The following KDM4D variants were observed in gnomAD, a reference collection of about 807,000 sequenced individuals.
KDM4D encodes the protein lysine demethylase 4D.
For synonymous variants in KDM4D, 254 were observed against 249.1 expected (o/e 1.02, Z -0.19); for missense variants, 427 against 674.8 (o/e 0.63, Z 4.07).
At position 94,998,519 on chromosome 11, in the gene KDM4D, C is replaced by G. The variant is rs143935865; in HGVS notation, c.1147C>G (p.Arg383Gly). Residue 383 changes from arginine to glycine, a missense_variant, in exon 3 of 3, where the codon CGG (arginine) becomes GGG (glycine). Transcript: ENST00000335080. The surrounding 1 kb of genome is among the most constrained non-coding windows in gnomAD (Gnocchi z 6.7). ...GLRQLPSHWA[R>G]HSPWPMAARS... The stretch of plus-strand genomic sequence containing the variant: ...GAGACAACTCCCTTCCCACTGGGCC[C>G]GGCATTCCCCTTGGCCTATGGCTGC... 5.6e-6 allele frequency: 9 copies of G among 1,612,412 alleles called. No homozygotes were observed. Among genetic ancestry groups the G allele is most frequent in the African/African-American group, 1.3e-5 (1 of 74,918 alleles).
At chr11:94,979,934 G>T (rs1441633460) in intron 2 of KDM4D, among the ~76,000 whole-genome samples, 1 of 152,142 alleles carries the variant, frequency 6.6e-6, no homozygotes, top group Non-Finnish European at 1.5e-5. Flanking sequence ...ATATATCATT[G>T]AGGTCTCAGT....
In KDM4D at chr11:94,997,316, C is replaced by T; in HGVS notation, c.-57C>T. ...AAATTTTTTTTTAAAGTAGCATTTT[C>T]CTACATTGTCAACTATCTAGAACAT... On this transcript the variant is annotated 5_prime_UTR_variant, in exon 3 of 3. Coordinates refer to ENST00000335080, the MANE Select transcript of KDM4D (RefSeq NM_018039.3). 1 of 1,370,122 alleles carries T rather than the reference C, an allele frequency of 7.3e-7. No individual in the cohort carries two copies. The highest frequency in any genetic ancestry group is 1.5e-5 in the African/African-American group (1 of 68,070). 84.9% of individuals were successfully genotyped at this position (1,370,122 alleles called of 1,614,324 possible).
intron 2 of KDM4D, among the ~76,000 whole-genome samples, chr11:94,976,317 C>CT (rs1420262550): frequency 2.6e-5 from 4 of 152,172 alleles, no homozygotes; most frequent in African/African-American, 9.6e-5. Context: ...CTACATGCCT[C>CT]TTTCACCTCC....
chr11:94,992,204 T>G (rs1857940762), intron 2 of KDM4D, among the ~76,000 whole-genome samples: 1 of 151,894 alleles, frequency 6.6e-6, no homozygotes, highest in African/African-American at 2.4e-5. Context: ...GAAAATAAAA[T>G]ATTGTAAGTC....
intron 2 of KDM4D, among the ~76,000 whole-genome samples, chr11:94,986,739 CT>C (rs1168252270): frequency 2.0e-5 from 3 of 149,792 alleles, no homozygotes; most frequent in Non-Finnish European, 4.5e-5. Flanking sequence ...GTTACATTTA[CT>C]TTGAAAAACT....
intron 2 of KDM4D, among the ~76,000 whole-genome samples, chr11:94,982,023 TTTCATTTAG>T (rs1454082063): frequency 2.0e-5 from 3 of 151,608 alleles, no homozygotes; most frequent in African/African-American, 7.2e-5. Context: ...AATGTAGTAT[TTTCATTTAG>T]TTCAAAATAT....
intron 2 of KDM4D, among the ~76,000 whole-genome samples, chr11:94,995,716 C>T (rs1054565028): frequency 5.9e-5 from 9 of 152,184 alleles, no homozygotes; most frequent in Non-Finnish European, 1.2e-4. Flanking sequence ...TTCCTAGTGT[C>T]CTAACAGGAC....
Position 94,997,915 on chromosome 11 carries a change from C to T in KDM4D, c.543C>T (p.Tyr181=), listed in dbSNP as rs782700427. 3 of 1,614,220 alleles carry T rather than the reference C, an allele frequency of 1.9e-6. No individual in the cohort carries two copies. The highest frequency in any genetic ancestry group is 4.5e-5 in the East Asian group (2 of 44,888). Residue 181 remains tyrosine (Y), a synonymous_variant, in exon 3 of 3, where the codon TAC becomes TAT. Coordinates refer to ENST00000335080, the MANE Select transcript of KDM4D (RefSeq NM_018039.3). ...VIEGVNTPYL[Y]FGMWKTTFAW... ...AAGGCGTCAATACACCCTACTTGTA[C>T]TTTGGCATGTGGAAAACCACGTTTG...
At chr11:94,987,873 T>C (rs1555098264) in intron 2 of KDM4D, among the ~76,000 whole-genome samples, 2 of 151,354 alleles carry the variant, frequency 1.3e-5, no homozygotes, top group Non-Finnish European at 1.5e-5. Flanking sequence ...GTTTGGAAAA[T>C]AGTAACAAAA....
intron 2 of KDM4D, among the ~76,000 whole-genome samples, chr11:94,977,857 A>G (rs587658927): frequency 3.7e-4 from 57 of 152,286 alleles, no homozygotes; most frequent in African/African-American, 1.2e-3. Flanking sequence ...TACCCAATAA[A>G]CAGTTTCCAT....
intron 2 of KDM4D, among the ~76,000 whole-genome samples, chr11:94,989,690 G>C (rs1420593077): frequency 6.6e-6 from 1 of 150,562 alleles, no homozygotes; most frequent in Admixed American, 6.6e-5. Context: ...ATTGGCATTT[G>C]TAGGCACAAA....
chr11:94,979,811 G>A (rs1279961376), intron 2 of KDM4D, among the ~76,000 whole-genome samples: 1 of 152,090 alleles, frequency 6.6e-6, no homozygotes, highest in Non-Finnish European at 1.5e-5. Flanking sequence ...GCATGTGTGT[G>A]CATTTTTCAT....
chr11:94,984,095 GTGTA>G (rs1162321013), intron 2 of KDM4D, among the ~76,000 whole-genome samples: 2 of 152,098 alleles, frequency 1.3e-5, no homozygotes, highest in Admixed American at 6.5e-5. Context: ...ACCATATATA[GTGTA>G]TGTATGTGTA....
chr11:94,991,150 A>G (rs782031331), intron 2 of KDM4D, among the ~76,000 whole-genome samples: 1 of 152,240 alleles, frequency 6.6e-6, no homozygotes, highest in South Asian at 2.1e-4. Flanking sequence ...TTTGCATTGA[A>G]TATGACCAGC....
intron 2 of KDM4D, among the ~76,000 whole-genome samples, chr11:94,980,598 C>A (rs1857835059): frequency 6.6e-6 from 1 of 152,080 alleles, no homozygotes; most frequent in African/African-American, 2.4e-5. Flanking sequence ...TAATATGCTT[C>A]TCTAAGTACA....
intron 2 of KDM4D, among the ~76,000 whole-genome samples, chr11:94,984,055 G>A (rs1857864047): frequency 6.6e-6 from 1 of 152,118 alleles, no homozygotes; most frequent in Non-Finnish European, 1.5e-5. Context: ...CAATAGGAAA[G>A]TGCAATAATA....
At chr11:94,996,385 C>A (rs1304001715) in intron 2 of KDM4D, among the ~76,000 whole-genome samples, 1 of 152,146 alleles carries the variant, frequency 6.6e-6, no homozygotes, top group African/African-American at 2.4e-5. Context: ...CCCAAGGTAG[C>A]CACTACTCTG....
intron 2 of KDM4D, among the ~76,000 whole-genome samples, chr11:94,986,901 A>G (rs1230807536): frequency 2.6e-5 from 4 of 152,210 alleles, no homozygotes; most frequent in Non-Finnish European, 5.9e-5. Context: ...TAGTCCCAAA[A>G]TGAAAACAAC....
intron 2 of KDM4D, among the ~76,000 whole-genome samples, chr11:94,995,558 G>A (rs1857968911): frequency 6.6e-6 from 1 of 152,136 alleles, no homozygotes; most frequent in African/African-American, 2.4e-5. Context: ...GAGAATGTGG[G>A]AGGGGAGAAA....
Sources: gnomAD v4.1 joint callset for allele counts (sites outside exome capture counted in the v4.1 genomes callset) on GRCh38, gnomAD v4.1.1 for gene constraint, Gnocchi (gnomAD v3.1) non-coding constraint, MANE v1.5 for transcripts, NCBI Gene and HGNC (gene_info 2026-07-23, HGNC 2026-07-21) for gene names.